SDK1: variants seen among roughly 807,000 people sequenced by gnomAD.
The protein encoded by SDK1 is protein sidekick-1.
Under a neutral mutation model 245.5 loss-of-function variants are expected in SDK1, and 157 were observed. The ratio of observed to expected loss-of-function variants is 0.64; its 90% CI spans 0.56 to 0.73. SDK1 has a LOEUF of 0.73. Among genes scored for constraint, SDK1 ranks in the 30% least tolerant of loss-of-function variants. The pLI, the probability that SDK1 is intolerant of heterozygous loss-of-function variation, is 0.00. For missense variants in SDK1, 3,583 were observed against 3,002.3 expected (o/e 1.19, Z -4.52); for synonymous variants, 1,647 against 1,278.5 (o/e 1.29, Z -6.15).
chr7:4,115,003 T>C (rs80013250), intron 25 of SDK1, among the ~76,000 whole-genome samples: 7,964 of 152,304 alleles, frequency 0.052, 512 homozygotes, highest in South Asian at 0.16. Context: ...TGCCCTGTGC[T>C]AATGCTGAAA....
At chr7:3,729,358 C>G (rs1779108451) in intron 4 of SDK1, among the ~76,000 whole-genome samples, 1 of 152,296 alleles carries the variant, frequency 6.6e-6, no homozygotes, top group East Asian at 1.9e-4. Flanking sequence ...CGCTGTATTC[C>G]TACACAGTAG....
chr7:3,402,849 A>G (rs1043421380), intron 1 of SDK1, among the ~76,000 whole-genome samples: 3 of 152,234 alleles, frequency 2.0e-5, no homozygotes, highest in African/African-American at 7.2e-5. Flanking sequence ...ATTATTTTGC[A>G]CTTATATAAA....
At chr7:3,667,797 A>T (rs1783579890) in intron 4 of SDK1, among the ~76,000 whole-genome samples, 1 of 152,148 alleles carries the variant, frequency 6.6e-6, no homozygotes, top group Non-Finnish European at 1.5e-5. Flanking sequence ...TTTATTCATA[A>T]GTAGTATTTT....
intron 7 of SDK1, among the ~76,000 whole-genome samples, chr7:3,955,313 G>A (rs1001341581): frequency 2.6e-5 from 4 of 152,208 alleles, no homozygotes; most frequent in Non-Finnish European, 5.9e-5. Flanking sequence ...GCCAGCAGCT[G>A]CGGCTGAGTT....
chr7:3,714,028 C>T (rs2115021371), intron 4 of SDK1, among the ~76,000 whole-genome samples: 1 of 152,260 alleles, frequency 6.6e-6, no homozygotes, highest in Admixed American at 6.5e-5. Context: ...AGATGAGAAA[C>T]ATTTTGAGAG....
At chr7:4,074,903 TATATA>T (rs1476317725) in intron 20 of SDK1, among the ~76,000 whole-genome samples, 29 of 85,452 alleles carry the variant, frequency 3.4e-4, no homozygotes, top group African/African-American at 2.0e-3. Flanking sequence ...TATATATATA[TATATA>T]TATATATATT....
At chr7:4,055,462 T>G (rs10277661) in intron 19 of SDK1, among the ~76,000 whole-genome samples, 8,972 of 152,194 alleles carry the variant, frequency 0.059, 522 homozygotes, top group African/African-American at 0.14. Context: ...ATTGGTTTCT[T>G]CTGGCTTTTT....
At chr7:3,942,089 G>T (rs767478941) in intron 5 of SDK1, among the ~76,000 whole-genome samples, 2 of 151,992 alleles carry the variant, frequency 1.3e-5, no homozygotes, top group African/African-American at 4.8e-5. Context: ...TGTATTTTTA[G>T]TGGAGACGGG....
chr7:3,362,107 T>C (rs902208243), intron 1 of SDK1, among the ~76,000 whole-genome samples: 3 of 152,200 alleles, frequency 2.0e-5, no homozygotes, highest in African/African-American at 7.2e-5. Context: ...CTAGTTCTTA[T>C]AATAGCATTT....
Position 4,218,891 on chromosome 7 carries a change from GT to G in SDK1, c.5540-1207del, listed in dbSNP as rs796089562. Among the ~76,000 whole-genome samples the G allele has an allele frequency of 9.3e-3, 1,363 of 145,864 alleles. 17 individuals are homozygous for G. Among genetic ancestry groups the G allele is most frequent in the African/African-American group, 0.031 (1,245 of 39,928 alleles). On this transcript the variant is annotated intron_variant, in intron 38 of 44. Transcript: ENST00000404826. ...CCAGCAGTTGAGAACTTATCTAACTGTTTTTTTTTTTAATGCATCATTTTCA... is the reference window on the plus strand; with the variant it reads ...CCAGCAGTTGAGAACTTATCTAACTGTTTTTTTTTTAATGCATCATTTTCA...
intron 2 of SDK1, among the ~76,000 whole-genome samples, chr7:3,623,334 G>C (rs974734035): frequency 3.4e-5 from 5 of 145,064 alleles, no homozygotes; most frequent in Admixed American, 7.3e-5. Flanking sequence ...TGCAACCTTC[G>C]TCTCCTGGTC....
chr7:4,115,155 C>T (rs1257270613), intron 25 of SDK1, among the ~76,000 whole-genome samples: 5 of 152,214 alleles, frequency 3.3e-5, no homozygotes, highest in Non-Finnish European at 7.3e-5. Flanking sequence ...GACTCACTGT[C>T]ACCTGACCCC....
At chr7:4,068,425 G>A (rs1780036856) in intron 20 of SDK1, among the ~76,000 whole-genome samples, 1 of 152,164 alleles carries the variant, frequency 6.6e-6, no homozygotes, top group African/African-American at 2.4e-5. Context: ...CAGCCAGGTG[G>A]TGTGACTATG....
At chr7:3,566,971 G>A (rs1779940240) in intron 1 of SDK1, among the ~76,000 whole-genome samples, 1 of 152,178 alleles carries the variant, frequency 6.6e-6, no homozygotes, top group Admixed American at 6.5e-5. Context: ...TGGTGGGAGT[G>A]TAGACTTGGC....
At chr7:3,333,795 T>A (rs1196773587) in intron 1 of SDK1, among the ~76,000 whole-genome samples, 5 of 152,220 alleles carry the variant, frequency 3.3e-5, no homozygotes, top group Admixed American at 3.3e-4. Flanking sequence ...TTACAGGGAA[T>A]TAAATTTCTT....
At chr7:3,820,236 G>A (rs1779610968) in intron 4 of SDK1, among the ~76,000 whole-genome samples, 1 of 152,046 alleles carries the variant, frequency 6.6e-6, no homozygotes, top group Admixed American at 6.6e-5. Context: ...TTCAGCCTCC[G>A]CCTCCCAGGT....
At chr7:4,132,863 G>A (rs1037214978) in intron 28 of SDK1, among the ~76,000 whole-genome samples, 3 of 152,210 alleles carry the variant, frequency 2.0e-5, no homozygotes, top group South Asian at 2.1e-4. Flanking sequence ...TTCCTGAACC[G>A]AGATGATCAT....
chr7:3,979,989 A>G (rs1783269333), intron 13 of SDK1, among the ~76,000 whole-genome samples: 1 of 152,178 alleles, frequency 6.6e-6, no homozygotes, highest in African/African-American at 2.4e-5. Context: ...GTTTCTTTCT[A>G]TAAAACCAGT....
chr7:4,247,908 C>T (rs986600154), intron 44 of SDK1, among the ~76,000 whole-genome samples: 1 of 152,190 alleles, frequency 6.6e-6, no homozygotes, highest in Non-Finnish European at 1.5e-5. Context: ...TCCAGCCCCA[C>T]ACCAGAGGAA....
Sources: gnomAD v4.1 joint callset for allele counts (sites outside exome capture counted in the v4.1 genomes callset) on GRCh38, gnomAD v4.1.1 for gene constraint, MANE v1.5 for transcripts, NCBI Gene and HGNC (gene_info 2026-07-23, HGNC 2026-07-21) for gene names.